TRIM37: variants seen among roughly 807,000 people sequenced by gnomAD.
TRIM37 encodes the protein tripartite motif containing 37.
TRIM37 carries 80 observed loss-of-function variants against 129.8 expected under a neutral mutation model. The ratio of observed to expected loss-of-function variants is 0.62; its 90% CI spans 0.51 to 0.74. The LOEUF is 0.74. Ranked by LOEUF, TRIM37 falls within the 30% of genes least tolerant of loss-of-function variation. TRIM37 has a pLI of 0.00. For missense variants in TRIM37, 1,054 were observed against 1,176.5 expected, an observed-to-expected ratio of 0.90 and a Z score of 1.52; for synonymous variants, 389 against 387.1, an observed-to-expected ratio of 1.00 and a Z score of -0.06.
intron 18 of TRIM37, among the ~76,000 whole-genome samples, chr17:59,029,803 C>A (rs1006733565): frequency 3.3e-5 from 5 of 152,038 alleles, no homozygotes; most frequent in Admixed American, 2.0e-4. Context: ...AACAAACAAT[C>A]AATCAAACAA....
chr17:59,001,703 C>T lies in TRIM37; in HGVS notation c.2707G>A (p.Asp903Asn), dbSNP rs376094664. 75 of 1,613,946 alleles carry T rather than the reference C, an allele frequency of 4.6e-5. No homozygotes were observed. Among genetic ancestry groups the T allele is most frequent in the East Asian group, 4.5e-5 (2 of 44,864 alleles). Residue 903 changes from aspartate to asparagine, a missense_variant, in exon 23 of 24, where the codon GAC becomes AAC. Asp to Asn is a conservative substitution (Grantham distance 23). Coordinates refer to ENST00000262294, the MANE Select transcript of TRIM37 (RefSeq NM_015294.6). ...TCAGTGTCACATTCAATGTCACTGT[C>T]GCTACTCATTCCTGGCAGGAAGGAA... is the stretch of plus-strand genomic sequence containing the variant. ...SAAPEEGMSS[D>N]SDIECDTENE...
chr17:58,992,320 T>TAA (rs1362019057), intron 24 of TRIM37, among the ~76,000 whole-genome samples: 3 of 89,440 alleles, frequency 3.4e-5, no homozygotes. Flanking sequence ...AATACATATG[T>TAA]AAATATATAT....
chr17:59,080,965 T>C (rs2043204258), intron 6 of TRIM37, 132 bp downstream of exon 6: 6 of 403,056 alleles, frequency 1.5e-5, no homozygotes, highest in African/African-American at 2.1e-5. Context: ...AATTTGACTA[T>C]AGGTACAGCC....
At chr17:59,024,246 C>T (rs2036977113) in intron 19 of TRIM37, among the ~76,000 whole-genome samples, 1 of 144,022 alleles carries the variant, frequency 6.9e-6, no homozygotes, top group Non-Finnish European at 1.5e-5. Flanking sequence ...AAAATTGCCA[C>T]ATTGGTTGAA....
intron 3 of TRIM37, among the ~76,000 whole-genome samples, chr17:59,090,968 T>A (rs1234644982): frequency 6.6e-6 from 1 of 152,092 alleles, no homozygotes; most frequent in African/African-American, 2.4e-5. Flanking sequence ...ACATTAAAAT[T>A]TTTTGCTTAA....
intron 13 of TRIM37, among the ~76,000 whole-genome samples, chr17:59,055,045 T>A (rs144854254): frequency 6.6e-6 from 1 of 151,932 alleles, no homozygotes; most frequent in African/African-American, 2.4e-5. Context: ...CAATAAAAAT[T>A]GATGGTTTTG....
At chr17:59,063,081 A>G (rs1260990890) in intron 10 of TRIM37, among the ~76,000 whole-genome samples, 1 of 152,174 alleles carries the variant, frequency 6.6e-6, no homozygotes. Context: ...TACGTGTGGG[A>G]AAAACCTCAA....
chr17:59,087,222 A>G (rs2043837113), intron 4 of TRIM37, among the ~76,000 whole-genome samples: 1 of 152,020 alleles, frequency 6.6e-6, no homozygotes, highest in African/African-American at 2.4e-5. Flanking sequence ...CAGCCCCCCA[A>G]GTAGCTGGGA....
chr17:58,994,064 G>A (rs913530690), downstream of TRIM37, among the ~76,000 whole-genome samples: 7 of 152,186 alleles, frequency 4.6e-5, no homozygotes, highest in Admixed American at 2.6e-4. Flanking sequence ...GAAGCTACTT[G>A]TATATTAGGG....
At chr17:58,999,982 T>C (rs1396104146) in intron 23 of TRIM37, among the ~76,000 whole-genome samples, 2 of 152,242 alleles carry the variant, frequency 1.3e-5, no homozygotes, top group African/African-American at 2.4e-5. Context: ...TTGAAAAAGA[T>C]ACCAGAGCAC....
At chr17:59,057,929 AAAAT>A (rs1247271841) in intron 12 of TRIM37, among the ~76,000 whole-genome samples, 6 of 152,200 alleles carry the variant, frequency 3.9e-5, no homozygotes, top group South Asian at 2.1e-4. Flanking sequence ...AACACCTCAA[AAAAT>A]AAATAAATTT....
At chr17:59,049,143 C>A (rs1235124745) in intron 15 of TRIM37, 35 bp downstream of exon 15, 1 of 1,568,220 alleles carries the variant, frequency 6.4e-7, no homozygotes, top group Admixed American at 1.7e-5. Context: ...TTTTTTTAAT[C>A]AAACACAAAA....
chr17:59,051,210 T>A lies in TRIM37; in HGVS notation c.1314+4A>T. 6.4e-7 allele frequency: 1 copy of A among 1,574,506 alleles called. No individual in the cohort carries two copies. On this transcript the variant is annotated splice_donor_region_variant and intron_variant, in intron 14 of 23. Transcript: ENST00000262294. ...CACCAAAACAGAAATAGATATTTTC[T>A]TACCTCTTTAAGGTTGTTTATTTGT... is the stretch of plus-strand genomic sequence containing the variant.
At chr17:59,050,973 C>A (rs1014979018) in intron 14 of TRIM37, among the ~76,000 whole-genome samples, 1 of 151,870 alleles carries the variant, frequency 6.6e-6, no homozygotes, top group African/African-American at 2.4e-5. Flanking sequence ...GAGCGAGACT[C>A]CTTCTCAAAA....
intron 2 of TRIM37, among the ~76,000 whole-genome samples, chr17:59,101,756 A>G (rs1321401681): frequency 1.3e-5 from 2 of 148,738 alleles, no homozygotes; most frequent in Non-Finnish European, 3.0e-5. Context: ...ATATACATAT[A>G]TACACACACA....
intron 2 of TRIM37, among the ~76,000 whole-genome samples, chr17:59,098,104 T>C (rs2045080322): frequency 6.6e-6 from 1 of 152,100 alleles, no homozygotes; most frequent in South Asian, 2.1e-4. Context: ...TAGAGACTAA[T>C]AGAACAGAAT....
At chr17:58,979,237 CTAAA>C (rs1464759548), downstream of TRIM37, among the ~76,000 whole-genome samples, 1 of 152,104 alleles carries the variant, frequency 6.6e-6, no homozygotes, top group African/African-American at 2.4e-5. Flanking sequence ...ATGGCAGTCT[CTAAA>C]TATAAGAGAA....
intron 9 of TRIM37, among the ~76,000 whole-genome samples, chr17:59,067,009 T>C (rs1485974595): frequency 2.6e-5 from 4 of 152,122 alleles, no homozygotes; most frequent in Non-Finnish European, 5.9e-5. Flanking sequence ...GAAATTACTT[T>C]GCTTTTTAAA....
intron 11 of TRIM37, 142 bp downstream of exon 11, chr17:59,062,425 A>G (rs2146524046): frequency 1.4e-6 from 1 of 698,538 alleles, no homozygotes; most frequent in Non-Finnish European, 2.5e-6. Flanking sequence ...AATATGGGGG[A>G]AGAAGGGGAA....
Sources: gnomAD v4.1 joint callset for allele counts (sites outside exome capture counted in the v4.1 genomes callset) on GRCh38, gnomAD v4.1.1 for gene constraint, MANE v1.5 for transcripts, NCBI Gene and HGNC (gene_info 2026-07-23, HGNC 2026-07-21) for gene names.